Variants in CSMD3 observed in about 807,000 individuals in gnomAD.
CSMD3 encodes the protein CUB and sushi domain-containing protein 3.
CSMD3 carries 177 observed loss-of-function variants against 435.2 expected under a neutral mutation model. That is an observed-to-expected ratio of 0.41 (90% CI 0.36 to 0.46). The LOEUF (loss-of-function observed/expected upper bound fraction) is 0.46, where lower values mean the gene tolerates loss of function less well. Among genes scored for constraint, CSMD3 ranks in the 20% least tolerant of loss-of-function variants. The pLI is 0.34. For missense variants in CSMD3, 4,265 were observed against 4,504.6 expected (o/e 0.95, Z 1.52); for synonymous variants, 1,656 against 1,520.5 (o/e 1.09, Z -2.07).
At chr8:112,784,826 C>G (rs938578727) in intron 13 of CSMD3, among the ~76,000 whole-genome samples, 5 of 151,768 alleles carry the variant, frequency 3.3e-5, no homozygotes, top group African/African-American at 9.7e-5. Flanking sequence ...TTGATTTTAC[C>G]AAATATTTAA....
rs922239309 is a variant in CSMD3 at position 112,409,051 on chromosome 8, G to C, written c.5396-19C>G. ...AACACCACTGATCAACAGGAACCCG[G>C]AGAAGCAAACAAATCACCAACCATC... On this transcript the variant is annotated intron_variant, in intron 32 of 70. Transcript: ENST00000297405. 1.9e-6 allele frequency: 3 copies of C among 1,612,712 alleles called. No homozygotes were observed. The highest frequency in any genetic ancestry group is 3.3e-5 in the Admixed American group (2 of 59,844).
chr8:112,747,766 G>C (rs1427253707), intron 13 of CSMD3, among the ~76,000 whole-genome samples: 1 of 151,990 alleles, frequency 6.6e-6, no homozygotes, highest in Non-Finnish European at 1.5e-5. Flanking sequence ...ACGAGGTCAG[G>C]AGATCGAGAC....
chr8:112,536,333 T>A (rs1826076572), intron 27 of CSMD3, among the ~76,000 whole-genome samples: 1 of 151,670 alleles, frequency 6.6e-6, no homozygotes, highest in African/African-American at 2.4e-5. Context: ...CAAGAAAAAC[T>A]AAACAACCCC....
Position 112,743,069 on chromosome 8 carries a change from C to T in CSMD3, c.1973-53019G>A, listed in dbSNP as rs565052780. Among the ~76,000 whole-genome samples, 3 of 152,002 alleles carry T rather than the reference C, an allele frequency of 2.0e-5. No homozygotes were observed. The South Asian group carries it at 6.2e-4, about 32-fold the overall frequency. On this transcript the variant is annotated intron_variant, in intron 13 of 70. Transcript: ENST00000297405. The stretch of plus-strand genomic sequence containing the variant: ...TCTGGGAGCATGAAGACATACTTAG[C>T]ACATATTCTTAAGTGACTCTGTGTG...
At chr8:112,350,486 T>C (rs1826036949) in intron 40 of CSMD3, among the ~76,000 whole-genome samples, 1 of 152,088 alleles carries the variant, frequency 6.6e-6, no homozygotes, top group Non-Finnish European at 1.5e-5. Context: ...AATTATTTGA[T>C]AACAAATTCA....
intron 10 of CSMD3, among the ~76,000 whole-genome samples, chr8:112,865,210 GGCATTTA>G (rs1281612540): frequency 2.6e-5 from 4 of 152,138 alleles, no homozygotes; most frequent in Non-Finnish European, 4.4e-5. Context: ...GTAACCTTCA[GGCATTTA>G]GATTTGTGCC....
At chr8:112,452,250 T>A (rs553015531) in intron 32 of CSMD3, among the ~76,000 whole-genome samples, 14 of 152,344 alleles carry the variant, frequency 9.2e-5, no homozygotes, top group African/African-American at 3.1e-4. Flanking sequence ...TTTTATTCAG[T>A]ACTGGATTCT....
intron 13 of CSMD3, among the ~76,000 whole-genome samples, chr8:112,712,018 A>G (rs555472844): frequency 6.6e-6 from 1 of 152,272 alleles, no homozygotes; most frequent in South Asian, 2.1e-4. Context: ...TGGAGCCAAT[A>G]TGCTTATGGC....
At chr8:112,232,927 C>T (rs1053381900) in intron 68 of CSMD3, among the ~76,000 whole-genome samples, 1 of 152,186 alleles carries the variant, frequency 6.6e-6, no homozygotes, top group Non-Finnish European at 1.5e-5. Flanking sequence ...CTTAATACCA[C>T]AGCCTCAAGT....
chr8:112,307,584 T>C (rs1821568106), intron 50 of CSMD3, among the ~76,000 whole-genome samples: 1 of 152,132 alleles, frequency 6.6e-6, no homozygotes, highest in African/African-American at 2.4e-5. Context: ...CATCTGGCCC[T>C]ATGTGTATCT....
At chr8:113,211,739 A>C (rs982878582) in intron 3 of CSMD3, among the ~76,000 whole-genome samples, 1 of 152,096 alleles carries the variant, frequency 6.6e-6, no homozygotes, top group African/African-American at 2.4e-5. Flanking sequence ...TTCTCATTTA[A>C]GTGAACCAAA....
intron 13 of CSMD3, among the ~76,000 whole-genome samples, chr8:112,691,886 T>C (rs141680472): frequency 2.0e-5 from 3 of 152,086 alleles, no homozygotes; most frequent in East Asian, 3.9e-4. Context: ...TTGTAACCTA[T>C]GCCTCCCAGG....
At chr8:112,900,977 G>A (rs189769910) in intron 10 of CSMD3, among the ~76,000 whole-genome samples, 3 of 151,334 alleles carry the variant, frequency 2.0e-5, no homozygotes, top group Admixed American at 2.0e-4. Flanking sequence ...CAACAGTCTG[G>A]CAGTCAGTCT....
intron 17 of CSMD3, among the ~76,000 whole-genome samples, chr8:112,659,273 A>C (rs561554474): frequency 6.6e-6 from 1 of 152,340 alleles, no homozygotes; most frequent in South Asian, 2.1e-4. Flanking sequence ...GGGTTACACA[A>C]TAAATTGAAT....
intron 1 of CSMD3, among the ~76,000 whole-genome samples, chr8:113,338,985 T>A (rs1303657013): frequency 6.6e-6 from 1 of 151,878 alleles, no homozygotes; most frequent in Non-Finnish European, 1.5e-5. Context: ...TTATTGAAAA[T>A]AACAGATTTT....
At chr8:112,539,370 A>T (rs979312188) in intron 27 of CSMD3, 5 of 151,948 alleles carry the variant, frequency 3.3e-5, no homozygotes, top group South Asian at 2.1e-4. Flanking sequence ...TTTTTTATTT[A>T]AAAAAAAGTA....
At chr8:112,382,982 C>A (rs565874303) in intron 37 of CSMD3, among the ~76,000 whole-genome samples, 1 of 152,220 alleles carries the variant, frequency 6.6e-6, no homozygotes, top group African/African-American at 2.4e-5. Flanking sequence ...CAGAGCGAGA[C>A]TACATCTCAA....
At chr8:112,682,714 G>T in intron 15 of CSMD3, 78 bp from the exon 16 acceptor site, 2 of 892,852 alleles carry the variant, frequency 2.2e-6, no homozygotes, top group Non-Finnish European at 3.7e-6. Context: ...TTTTGGAAAA[G>T]AGAGAGAGAG....
chr8:112,370,026 A>AGAG (rs748374782), intron 38 of CSMD3, among the ~76,000 whole-genome samples: 551 of 49,166 alleles, frequency 0.011, 7 homozygotes, highest in African/African-American at 0.023. Context: ...AAGAAGAGGA[A>AGAG]GAAGAAGAAG....
Sources: allele counts gnomAD v4.1 joint callset (sites outside exome capture counted in the v4.1 genomes callset), GRCh38; gene constraint gnomAD v4.1.1; transcripts MANE v1.5; gene names NCBI Gene and HGNC (gene_info 2026-07-23, HGNC 2026-07-21).